Variants in ELOVL2 observed in about 807,000 individuals in gnomAD.
ELOVL2 encodes ELOVL fatty acid elongase 2.
In ELOVL2, 38 loss-of-function variants were observed where a neutral mutation model predicts 37.7. The ratio of observed to expected loss-of-function variants is 1.01; its 90% CI spans 0.78 to 1.32. The LOEUF is 1.32. Ranked by LOEUF, ELOVL2 falls within the 40% of genes most tolerant of loss-of-function variation. ELOVL2 has a pLI of 0.00. For synonymous variants in ELOVL2, 115 were observed against 122.3 expected, an observed-to-expected ratio of 0.94 and a Z score of 0.40; for missense variants, 352 against 363.6, an observed-to-expected ratio of 0.97 and a Z score of 0.26.
chr6:11,042,366 A>T (rs1441659827), intron 1 of ELOVL2, among the ~76,000 whole-genome samples: 1 of 150,884 alleles, frequency 6.6e-6, no homozygotes, highest in Non-Finnish European at 1.5e-5. Context: ...ATTAAAAAAA[A>T]ATTCCTCTGA....
intron 3 of ELOVL2, 41 bp downstream of exon 3, chr6:11,005,330 TG>T: frequency 6.4e-7 from 1 of 1,555,662 alleles, no homozygotes; most frequent in Non-Finnish European, 8.7e-7. Flanking sequence ...TAATAAAAAC[TG>T]CTAGTTACTG....
intron 4 of ELOVL2, among the ~76,000 whole-genome samples, chr6:10,998,207 C>G (rs1388727147): frequency 6.6e-6 from 1 of 152,148 alleles, no homozygotes; most frequent in Admixed American, 6.5e-5. Flanking sequence ...TCTGTACAGC[C>G]TGCAGTACCA....
chr6:11,009,519 C>T (rs755262706), intron 2 of ELOVL2, among the ~76,000 whole-genome samples: 38 of 152,048 alleles, frequency 2.5e-4, no homozygotes, highest in South Asian at 2.1e-4. Context: ...GAGGCAAAGC[C>T]CAACTGAAAA....
intron 4 of ELOVL2, among the ~76,000 whole-genome samples, chr6:10,998,509 T>C (rs999572619): frequency 2.0e-5 from 3 of 152,138 alleles, no homozygotes; most frequent in Non-Finnish European, 4.4e-5. Context: ...GCTTTTACAA[T>C]CAGTATCATT....
chr6:10,983,876 T>C lies in ELOVL2; in HGVS notation c.796A>G (p.Met266Val). The C allele has an allele frequency of 1.9e-6, 3 of 1,613,804 alleles. No homozygotes were observed. The highest frequency in any genetic ancestry group is 2.5e-6 in the Non-Finnish European group (3 of 1,179,864). The change falls in exon 8 of 8, where the codon ATG (methionine) becomes GTG (valine). Residue 266 changes from methionine (M) to valine (V), a missense_variant. Met to Val is a conservative substitution (Grantham distance 21). Coordinates refer to ENST00000354666, the MANE Select transcript of ELOVL2 (RefSeq NM_017770.4). Reference protein sequence around the residue: ...TYRKKPMKKDMQEPPAGKEVK... With the variant: ...TYRKKPMKKDVQEPPAGKEVK... ...TCTTTCCCTGCAGGTGGCTCTTGCA[T>C]ATCTTTCTTCATTGGCTTTTTTCGG...
chr6:11,028,812 C>A (rs1194529452), intron 1 of ELOVL2, among the ~76,000 whole-genome samples: 1 of 151,952 alleles, frequency 6.6e-6, no homozygotes, highest in African/African-American at 2.4e-5. Context: ...GTTCTCGAAA[C>A]TACTCTATAA....
chr6:11,036,557 C>G (rs1783008704), intron 1 of ELOVL2, among the ~76,000 whole-genome samples: 1 of 152,196 alleles, frequency 6.6e-6, no homozygotes, highest in Non-Finnish European at 1.5e-5. Context: ...GAGGAAAGCA[C>G]AGCCAACTGA....
At chr6:10,987,872 C>T (rs567228328) in intron 7 of ELOVL2, among the ~76,000 whole-genome samples, 2 of 151,440 alleles carry the variant, frequency 1.3e-5, no homozygotes, top group African/African-American at 4.8e-5. Context: ...TACCTGATCT[C>T]GCATCTCATT....
chr6:10,992,772 G>C (rs925318384), intron 5 of ELOVL2, among the ~76,000 whole-genome samples: 1 of 147,252 alleles, frequency 6.8e-6, no homozygotes, highest in Non-Finnish European at 1.5e-5. Context: ...TGGCGACAGG[G>C]CGGGACTCCA....
intron 4 of ELOVL2, among the ~76,000 whole-genome samples, chr6:10,995,470 G>T (rs1408704877): frequency 6.6e-6 from 1 of 152,110 alleles, no homozygotes; most frequent in African/African-American, 2.4e-5. Flanking sequence ...ATCTCCCATG[G>T]GCTTGGGTGG....
chr6:11,030,782 G>A (rs1379528736), intron 1 of ELOVL2, among the ~76,000 whole-genome samples: 4 of 152,056 alleles, frequency 2.6e-5, no homozygotes, highest in Non-Finnish European at 5.9e-5. Context: ...GTGAGCCACC[G>A]TGCCCGGCCA....
chr6:11,000,951 T>G (rs1782369014), intron 3 of ELOVL2, among the ~76,000 whole-genome samples: 1 of 152,228 alleles, frequency 6.6e-6, no homozygotes, highest in Admixed American at 6.5e-5. Context: ...AGCTTTTTTA[T>G]TCTTTGTTGA....
At chr6:11,042,788 C>A (rs1377940634) in intron 1 of ELOVL2, among the ~76,000 whole-genome samples, 1 of 152,082 alleles carries the variant, frequency 6.6e-6, no homozygotes, top group African/African-American at 2.4e-5. Flanking sequence ...ACTGCATAAT[C>A]TTTGCAGTTA....
chr6:11,010,235 G>A (rs911063818), intron 2 of ELOVL2, among the ~76,000 whole-genome samples: 3 of 151,988 alleles, frequency 2.0e-5, no homozygotes, highest in Non-Finnish European at 4.4e-5. Flanking sequence ...TGTTGGTCAG[G>A]CTGGTCTTGA....
intron 4 of ELOVL2, among the ~76,000 whole-genome samples, chr6:10,996,356 G>C (rs1029436339): frequency 6.6e-6 from 1 of 152,272 alleles, no homozygotes; most frequent in East Asian, 1.9e-4. Flanking sequence ...AATAAAATGG[G>C]TGCAGAGAAA....
chr6:11,005,664 C>G, intron 2 of ELOVL2, 105 bp from the exon 3 acceptor site: 1 of 885,424 alleles, frequency 1.1e-6, no homozygotes, highest in Non-Finnish European at 1.7e-6. Flanking sequence ...CAACAGGGAA[C>G]AACTCCATAC....
chr6:11,035,003 CTAAA>C (rs547206935), intron 1 of ELOVL2, among the ~76,000 whole-genome samples: 60 of 151,974 alleles, frequency 3.9e-4, no homozygotes, highest in Admixed American at 9.2e-4. Context: ...ACTCTTGTCT[CTAAA>C]TAAATAAATA....
chr6:11,025,540 C>CT (rs1270283317), intron 1 of ELOVL2, among the ~76,000 whole-genome samples: 1 of 152,050 alleles, frequency 6.6e-6, no homozygotes, highest in Non-Finnish European at 1.5e-5. Flanking sequence ...GAATGCTTTT[C>CT]TTCAGTGTAA....
intron 6 of ELOVL2, among the ~76,000 whole-genome samples, chr6:10,990,091 T>C (rs1782125488): frequency 6.6e-6 from 1 of 152,244 alleles, no homozygotes; most frequent in African/African-American, 2.4e-5. Context: ...TACACATTAA[T>C]TTGAAAAGTA....
Sources: gnomAD v4.1 joint callset for allele counts (sites outside exome capture counted in the v4.1 genomes callset) on GRCh38, gnomAD v4.1.1 for gene constraint, MANE v1.5 for transcripts, NCBI Gene and HGNC (gene_info 2026-07-23, HGNC 2026-07-21) for gene names.